Variants in SCARB2 observed in about 807,000 individuals in gnomAD.
SCARB2 encodes the protein lysosome membrane protein 2.
A neutral mutation model predicts 58.6 loss-of-function variants in SCARB2; 29 were observed. The observed-to-expected ratio is 0.49, with a 90% CI of 0.37 to 0.67. SCARB2 has a LOEUF of 0.67. Among genes scored for constraint, SCARB2 ranks in the 30% least tolerant of loss-of-function variants. The pLI, the probability that SCARB2 is intolerant of heterozygous loss-of-function variation, is 0.00. For missense variants in SCARB2, 488 were observed against 578.5 expected (o/e 0.84, Z 1.60); for synonymous variants, 195 against 210.1 (o/e 0.93, Z 0.62).
chr4:76,165,678 C>A (rs924380200), intron 10 of SCARB2: 26 of 152,110 alleles, frequency 1.7e-4, no homozygotes, highest in African/African-American at 6.1e-4. Flanking sequence ...CAATATTCTA[C>A]AAACAGCAAG....
chr4:76,168,933 C>T (rs905106213), intron 8 of SCARB2, among the ~76,000 whole-genome samples: 5 of 152,208 alleles, frequency 3.3e-5, no homozygotes, highest in South Asian at 2.1e-4. Flanking sequence ...GCCCGCCTAG[C>T]GTAGCCATGG....
intron 1 of SCARB2, chr4:76,213,116 G>T: frequency 2.6e-6 from 1 of 383,134 alleles, no homozygotes; most frequent in South Asian, 2.3e-5. Flanking sequence ...AACAAGTTTG[G>T]GCCCACCTGA....
intron 1 of SCARB2, among the ~76,000 whole-genome samples, chr4:76,231,427 G>A (rs767546716): frequency 1.3e-5 from 2 of 152,092 alleles, no homozygotes; most frequent in African/African-American, 4.8e-5. Flanking sequence ...TTAAAATGTA[G>A]GTAAAAACTT....
chr4:76,225,296 TAG>T (rs1420753819), intron 1 of SCARB2, among the ~76,000 whole-genome samples: 5 of 152,234 alleles, frequency 3.3e-5, no homozygotes, highest in African/African-American at 7.2e-5. Context: ...TCTGGGTAGA[TAG>T]AGTCTTCAGC....
At chr4:76,218,822 T>C (rs181614765), upstream of SCARB2, among the ~76,000 whole-genome samples, 1 of 152,166 alleles carries the variant, frequency 6.6e-6, no homozygotes, top group East Asian at 1.9e-4. Flanking sequence ...AGGAGAAAAA[T>C]ATAGTGGGCA....
intron 1 of SCARB2, among the ~76,000 whole-genome samples, chr4:76,198,162 C>T (rs1732753330): frequency 6.6e-6 from 1 of 152,170 alleles, no homozygotes; most frequent in Non-Finnish European, 1.5e-5. Flanking sequence ...TGTATTCCTG[C>T]CTAATTTTTC....
intron 1 of SCARB2, among the ~76,000 whole-genome samples, chr4:76,222,252 A>T (rs1264836087): frequency 1.3e-5 from 2 of 148,370 alleles, no homozygotes; most frequent in African/African-American, 5.0e-5. Context: ...TCTGAGACCG[A>T]GTCTCACTCT....
At chr4:76,205,250 C>T (rs922383533) in intron 1 of SCARB2, among the ~76,000 whole-genome samples, 4 of 152,088 alleles carry the variant, frequency 2.6e-5, no homozygotes, top group African/African-American at 9.7e-5. Flanking sequence ...GGCTTGAACC[C>T]AGGAGGTCAA....
At chr4:76,183,103 G>A (rs953237137) in intron 2 of SCARB2, among the ~76,000 whole-genome samples, 1 of 152,090 alleles carries the variant, frequency 6.6e-6, no homozygotes, top group African/African-American at 2.4e-5. Context: ...ACAAATAGAT[G>A]AGTCTTTGTA....
chr4:76,217,861 CT>C (rs1560725969), upstream of SCARB2, among the ~76,000 whole-genome samples: 1 of 152,114 alleles, frequency 6.6e-6, no homozygotes, highest in Admixed American at 6.5e-5. Context: ...TCATTCGGGA[CT>C]TAGAAAAAGA....
intron 4 of SCARB2, 30 bp from the exon 5 acceptor site, chr4:76,176,558 G>A: frequency 6.9e-7 from 1 of 1,452,954 alleles, no homozygotes; most frequent in South Asian, 1.1e-5. Context: ...ATCATTTAAA[G>A]TAACTGTGAT....
Position 76,227,032 on chromosome 4 carries a change from C to T in SCARB2, c.-358+7271G>A, listed in dbSNP as rs146122585. Among the ~76,000 whole-genome samples, 674 of 151,524 alleles carry T rather than the reference C, an allele frequency of 4.4e-3. 4 individuals carry two copies. Among genetic ancestry groups the T allele is most frequent in the African/African-American group, 0.016 (643 of 41,292 alleles). On this transcript the variant is annotated intron_variant, in intron 1 of 11. Transcript: ENST00000638295. ...TGTTTGTTTCAATTTCATCTAGTTC[C>T]GCCCTGACCTTTGTTATTTCTTTTC...
chr4:76,220,207 C>T (rs566089145), intron 1 of SCARB2, among the ~76,000 whole-genome samples: 1 of 152,264 alleles, frequency 6.6e-6, no homozygotes, highest in East Asian at 1.9e-4. Context: ...TACTTGTAAA[C>T]CAGTGTTCAT....
At chr4:76,226,056 T>C (rs1733392447) in intron 1 of SCARB2, among the ~76,000 whole-genome samples, 1 of 152,152 alleles carries the variant, frequency 6.6e-6, no homozygotes, top group Non-Finnish European at 1.5e-5. Context: ...TATTACTGTT[T>C]GTTGGGGTGA....
chr4:76,233,586 GCA>G (rs34421184), intron 1 of SCARB2, among the ~76,000 whole-genome samples: 145,970 of 150,856 alleles, frequency 0.97, 70,793 homozygotes, highest in East Asian at 1. Context: ...ACACACACAC[GCA>G]CACACACACA....
chr4:76,190,009 C>T (rs1383429714), intron 2 of SCARB2, among the ~76,000 whole-genome samples: 1 of 134,770 alleles, frequency 7.4e-6, no homozygotes, highest in Admixed American at 7.3e-5. Flanking sequence ...ATACTTGACA[C>T]TTTTTTTTTT....
At chr4:76,211,919 G>C (rs901138087) in intron 1 of SCARB2, among the ~76,000 whole-genome samples, 3 of 152,130 alleles carry the variant, frequency 2.0e-5, no homozygotes. Context: ...ATTCCTCATG[G>C]AGAAAAACAC....
Position 76,161,651 on chromosome 4 carries a change from C to T in SCARB2, c.*62G>A. On this transcript the variant is annotated 3_prime_UTR_variant, in exon 12 of 12. Transcript: ENST00000264896. ...AAGCCTGCAAGGAGGTGGAGGGTTT[C>T]CCCACGTCATCGTCCAGGTCAGGAC... is the stretch of plus-strand genomic sequence containing the variant. 6.4e-7 allele frequency: 1 copy of T among 1,567,082 alleles called. No homozygotes were observed. The highest frequency in any genetic ancestry group is 8.8e-7 in the Non-Finnish European group (1 of 1,137,214).
intron 1 of SCARB2, among the ~76,000 whole-genome samples, chr4:76,212,201 G>A (rs890924685): frequency 2.6e-5 from 4 of 152,186 alleles, no homozygotes; most frequent in African/African-American, 9.7e-5. Context: ...ACATGGACAG[G>A]AGTGGAGAAA....
Sources: gnomAD v4.1 joint callset for allele counts (sites outside exome capture counted in the v4.1 genomes callset) on GRCh38, gnomAD v4.1.1 for gene constraint, MANE v1.5 for transcripts, NCBI Gene and HGNC (gene_info 2026-07-23, HGNC 2026-07-21) for gene names.